The following CTNND2 variants were observed in gnomAD, a reference collection of about 807,000 sequenced individuals.
The protein encoded by CTNND2 is catenin delta-2.
Under a neutral mutation model 144.4 loss-of-function variants are expected in CTNND2, and 22 were observed. The observed-to-expected ratio is 0.15, with a 90% CI of 0.11 to 0.22. The LOEUF is 0.22. Ranked by LOEUF, CTNND2 falls within the 10% of genes least tolerant of loss-of-function variation. CTNND2 has a pLI of 1.00. For synonymous variants in CTNND2, 751 were observed against 695.6 expected, an observed-to-expected ratio of 1.08 and a Z score of -1.25; for missense variants, 1,353 against 1,618.8, an observed-to-expected ratio of 0.84 and a Z score of 2.82.
At chr5:11,686,597 C>T (rs2126639064) in intron 2 of CTNND2, among the ~76,000 whole-genome samples, 1 of 152,020 alleles carries the variant, frequency 6.6e-6, no homozygotes, top group South Asian at 2.1e-4. Flanking sequence ...CTACCTTAGG[C>T]TCCACATCAA....
At chr5:11,027,003 C>T (rs375608338) in intron 16 of CTNND2, among the ~76,000 whole-genome samples, 1 of 152,156 alleles carries the variant, frequency 6.6e-6, no homozygotes, top group Non-Finnish European at 1.5e-5. Flanking sequence ...CAAAGAAAAA[C>T]ATGCAAAATT....
At chr5:11,223,484 C>G (rs912568735) in intron 10 of CTNND2, among the ~76,000 whole-genome samples, 2 of 152,012 alleles carry the variant, frequency 1.3e-5, no homozygotes, top group South Asian at 2.1e-4. Flanking sequence ...CCCAGTGTAG[C>G]TTCCTTTCCT....
chr5:11,646,593 A>T (rs954674644), intron 2 of CTNND2, among the ~76,000 whole-genome samples: 1 of 152,022 alleles, frequency 6.6e-6, no homozygotes, highest in Non-Finnish European at 1.5e-5. Flanking sequence ...TATTTTACCA[A>T]TGATGCATGG....
At chr5:11,062,470 C>T (rs1040382116) in intron 16 of CTNND2, among the ~76,000 whole-genome samples, 3 of 152,270 alleles carry the variant, frequency 2.0e-5, no homozygotes, top group African/African-American at 7.2e-5. Context: ...TTTCATACCA[C>T]ACAGTTGGCT....
intron 1 of CTNND2, among the ~76,000 whole-genome samples, chr5:11,814,304 A>T (rs1367956102): frequency 6.6e-6 from 1 of 152,236 alleles, no homozygotes; most frequent in East Asian, 1.9e-4. Flanking sequence ...ATAAAACTGA[A>T]GGCGTCTTGA....
chr5:11,055,844 C>T (rs1746299479), intron 16 of CTNND2, among the ~76,000 whole-genome samples: 3 of 152,172 alleles, frequency 2.0e-5, no homozygotes, highest in East Asian at 1.9e-4. Flanking sequence ...TTGTGGATGG[C>T]AGGTACTGCC....
At chr5:11,551,043 C>G (rs1476215681) in intron 3 of CTNND2, among the ~76,000 whole-genome samples, 1 of 152,196 alleles carries the variant, frequency 6.6e-6, no homozygotes, top group Non-Finnish European at 1.5e-5. Flanking sequence ...GCCACCCTCT[C>G]TAACGTGCAC....
At chr5:11,085,140 T>C (rs2149640600) in intron 15 of CTNND2, among the ~76,000 whole-genome samples, 1 of 152,298 alleles carries the variant, frequency 6.6e-6, no homozygotes, top group East Asian at 1.9e-4. Context: ...ATAATGGGAA[T>C]CCTTCAGCTT....
At chr5:11,081,072 T>TCACACACACA (rs55951127) in intron 16 of CTNND2, among the ~76,000 whole-genome samples, 132 of 145,078 alleles carry the variant, frequency 9.1e-4, no homozygotes, top group Admixed American at 3.1e-3. Context: ...TGAGACCCTG[T>TCACACACACA]CACACACACA....
chr5:11,655,718 G>T (rs2727594), intron 2 of CTNND2, among the ~76,000 whole-genome samples: 1 of 152,032 alleles, frequency 6.6e-6, no homozygotes, highest in East Asian at 1.9e-4. Flanking sequence ...CAGAGCGTAG[G>T]AATCAAATAA....
intron 6 of CTNND2, among the ~76,000 whole-genome samples, chr5:11,394,137 C>T (rs1759869180): frequency 6.6e-6 from 1 of 152,184 alleles, no homozygotes; most frequent in South Asian, 2.1e-4. Context: ...TTGGATCTTG[C>T]TTACCCTGGT....
Position 11,384,518 on chromosome 5 carries a change from G to A in CTNND2, c.1177+147C>T. 1 of 680,014 alleles carries A rather than the reference G, an allele frequency of 1.5e-6. No individual in the cohort carries two copies. The highest frequency in any genetic ancestry group is 1.9e-5 in the South Asian group (1 of 51,456). The allele number at this position is 680,014 out of a possible 1,614,324, so 42.1% of individuals were successfully genotyped here. ...GTAGGGAAGATACTGACTTGTTCCA[G>A]GAAAGCCCTGGCGTTCTCTGTCTCC... On this transcript the variant is annotated intron_variant, in intron 7 of 21. Coordinates refer to ENST00000304623, the MANE Select transcript of CTNND2 (RefSeq NM_001332.4). This position sits in a 1 kb window ranked among gnomAD's most constrained non-coding sequence, Gnocchi z 5.2.
intron 2 of CTNND2, among the ~76,000 whole-genome samples, chr5:11,626,530 G>C (rs1218730692): frequency 1.3e-5 from 2 of 152,106 alleles, no homozygotes; most frequent in Non-Finnish European, 2.9e-5. Flanking sequence ...TGAAGAGTCA[G>C]AGTGTTTAAG....
At chr5:11,343,017 A>C (rs1387446329) in intron 9 of CTNND2, among the ~76,000 whole-genome samples, 6 of 152,212 alleles carry the variant, frequency 3.9e-5, no homozygotes, top group Non-Finnish European at 2.9e-5. Context: ...TACAGGTTTA[A>C]AAATGATCTC....
At chr5:11,341,556 AGAGATTCATCACCT>A (rs1339751299) in intron 9 of CTNND2, among the ~76,000 whole-genome samples, 1 of 152,268 alleles carries the variant, frequency 6.6e-6, no homozygotes, top group Non-Finnish European at 1.5e-5. Context: ...CAAACTACCC[AGAGATTCATCACCT>A]GAGAGAATTG....
At chr5:11,429,270 C>G (rs1476875581) in intron 3 of CTNND2, among the ~76,000 whole-genome samples, 2 of 152,178 alleles carry the variant, frequency 1.3e-5, no homozygotes, top group Non-Finnish European at 2.9e-5. Context: ...TGCCATATTT[C>G]ATTCACTCAA....
At chr5:11,513,550 T>C (rs1771854290) in intron 3 of CTNND2, among the ~76,000 whole-genome samples, 1 of 152,218 alleles carries the variant, frequency 6.6e-6, no homozygotes, top group Non-Finnish European at 1.5e-5. Context: ...TTACAAATTG[T>C]GATTTTCACT....
intron 9 of CTNND2, among the ~76,000 whole-genome samples, chr5:11,252,259 C>G (rs1288490513): frequency 6.6e-6 from 1 of 152,136 alleles, no homozygotes; most frequent in African/African-American, 2.4e-5. Flanking sequence ...CAATGAGAGA[C>G]TTGACAGCCA....
intron 15 of CTNND2, among the ~76,000 whole-genome samples, chr5:11,089,193 A>G (rs994540094): frequency 3.3e-5 from 5 of 152,178 alleles, no homozygotes; most frequent in Admixed American, 3.3e-4. Context: ...TCAGGAGAAA[A>G]TAACTTATCT....
Sources: allele counts gnomAD v4.1 joint callset (sites outside exome capture counted in the v4.1 genomes callset), GRCh38; gene constraint gnomAD v4.1.1; non-coding constraint Gnocchi (gnomAD v3.1); transcripts MANE v1.5; gene names NCBI Gene and HGNC (gene_info 2026-07-23, HGNC 2026-07-21).